NME7: variants seen among roughly 807,000 people sequenced by gnomAD.
NME7 encodes NME/NM23 family member 7.
A neutral mutation model predicts 49.1 loss-of-function variants in NME7; 41 were observed. That is an observed-to-expected ratio of 0.83 (90% confidence interval 0.65 to 1.08). The LOEUF (loss-of-function observed/expected upper bound fraction) is 1.08, where lower values mean the gene tolerates loss of function less well. Ranked by LOEUF, NME7 falls within the 50% of genes least tolerant of loss-of-function variation. The probability of loss-of-function intolerance (pLI) is 0.00; values close to 1 mark genes in which losing one functional copy is unlikely to be tolerated. For missense variants in NME7, 423 were observed against 463.4 expected, an observed-to-expected ratio of 0.91 and a Z score of 0.80; for synonymous variants, 139 against 150.6, an observed-to-expected ratio of 0.92 and a Z score of 0.56.
intron 3 of NME7, 131 bp from the exon 4 acceptor site, chr1:169,310,211 G>A (rs1188067722): frequency 3.4e-6 from 2 of 579,820 alleles, no homozygotes; most frequent in African/African-American, 2.0e-5. Flanking sequence ...ATAGAAAAGT[G>A]TATTAAAGAC....
intron 11 of NME7, among the ~76,000 whole-genome samples, chr1:169,155,729 G>A (rs1659047640): frequency 6.7e-6 from 1 of 149,366 alleles, no homozygotes; most frequent in Admixed American, 6.7e-5. Flanking sequence ...TTATCATTGT[G>A]TCTATCCCTG....
intron 3 of NME7, among the ~76,000 whole-genome samples, chr1:169,312,908 C>G (rs1370890402): frequency 6.6e-6 from 1 of 152,132 alleles, no homozygotes; most frequent in Non-Finnish European, 1.5e-5. Flanking sequence ...ATATTCTATT[C>G]TAAACCTATT....
At chr1:169,255,705 T>C (rs895633444) in intron 7 of NME7, among the ~76,000 whole-genome samples, 1 of 128,344 alleles carries the variant, frequency 7.8e-6, no homozygotes, top group Non-Finnish European at 1.8e-5. Flanking sequence ...CTGGTACCGG[T>C]TGCTCCTTTC....
chr1:169,320,529 C>A lies in NME7; in HGVS notation c.278+2588G>T, dbSNP rs951631024. 2.6e-5 allele frequency among the ~76,000 whole-genome samples: 4 copies of A among 152,256 alleles called. No homozygotes were observed. In the East Asian group the frequency reaches 7.7e-4, roughly 29 times the overall value. On this transcript the variant is annotated intron_variant, in intron 3 of 11. Coordinates refer to ENST00000367811, the MANE Select transcript of NME7 (RefSeq NM_013330.5). ...TACAAAACTGAGAACTAGACTAAAT[C>A]GGTTGTTACATAGAAGGTGTTTCTG... is the stretch of plus-strand genomic sequence containing the variant.
intron 9 of NME7, among the ~76,000 whole-genome samples, chr1:169,231,772 C>T (rs1647630252): frequency 6.6e-6 from 1 of 152,022 alleles, no homozygotes; most frequent in African/African-American, 2.4e-5. Context: ...AGCAGTTGGC[C>T]TAAATTAGCC....
chr1:169,335,768 TTA>T (rs1372551597), intron 1 of NME7, among the ~76,000 whole-genome samples: 4 of 147,002 alleles, frequency 2.7e-5, no homozygotes, highest in African/African-American at 9.9e-5. Context: ...AAATATATAT[TTA>T]TATATATGTT....
rs559766442 is a variant in NME7, at chr1:169,322,040, T to C, written c.278+1077A>G. ...ATTTCACTTCAAATATAATTAATTC[T>C]AGTCTCAGAAAGTTGAAATTCATAA... On this transcript the variant is annotated intron_variant, in intron 3 of 11. Coordinates refer to ENST00000367811, the MANE Select transcript of NME7 (RefSeq NM_013330.5). 5.9e-5 allele frequency among the ~76,000 whole-genome samples: 9 copies of C among 152,304 alleles called. No individual in the cohort carries two copies. In the South Asian group the frequency reaches 1.9e-3, roughly 32 times the overall value.
intron 11 of NME7, among the ~76,000 whole-genome samples, chr1:169,135,000 T>G (rs1187870966): frequency 5.4e-5 from 3 of 55,236 alleles, no homozygotes; most frequent in Non-Finnish European, 6.5e-5. Context: ...CATAAGGAGA[T>G]CCCCCCGTCT....
At chr1:169,200,702 A>G (rs1208369) in intron 10 of NME7, among the ~76,000 whole-genome samples, 3,197 of 152,150 alleles carry the variant, frequency 0.021, 117 homozygotes, top group African/African-American at 0.073. Context: ...AAACTAGCCA[A>G]TCCTGAACTT....
At chr1:169,201,089 G>C (rs946947355) in intron 10 of NME7, among the ~76,000 whole-genome samples, 20 of 152,090 alleles carry the variant, frequency 1.3e-4, no homozygotes, top group African/African-American at 4.1e-4. Context: ...ACATGGGCCA[G>C]GTGTGGCGGC....
At chr1:169,346,830 T>C (rs968239396) in intron 1 of NME7, among the ~76,000 whole-genome samples, 1 of 152,206 alleles carries the variant, frequency 6.6e-6, no homozygotes, top group East Asian at 1.9e-4. Context: ...CTGCTAGCTA[T>C]CATCAATTGA....
At chr1:169,361,735 G>A (rs1405855346) in intron 1 of NME7, among the ~76,000 whole-genome samples, 14 of 146,680 alleles carry the variant, frequency 9.5e-5, no homozygotes, top group African/African-American at 2.3e-4. Context: ...AGTGGAAATC[G>A]CGCCACTGCA....
rs74125221 is a variant in NME7, at chr1:169,260,361, C to T, written c.755-22674G>A. 8.3e-4 allele frequency among the ~76,000 whole-genome samples: 111 copies of T among 133,436 alleles called. 10 individuals carry two copies. Among genetic ancestry groups the T allele is most frequent in the African/African-American group, 2.7e-3 (107 of 39,602 alleles). 87.5% of individuals were successfully genotyped at this position (133,436 alleles called of 152,430 possible). ...AAGATACTACCTTTTCTTTAGAAAT[C>T]GTCCCTCTTTCTTCCTCCTAAGAAT... On this transcript the variant is annotated intron_variant, in intron 7 of 11. Transcript: ENST00000367811.
At chr1:169,237,790 T>C (rs1647922200) in intron 7 of NME7, 103 bp from the exon 8 acceptor site, 7 of 752,466 alleles carry the variant, frequency 9.3e-6, no homozygotes, top group African/African-American at 8.9e-5. Context: ...GTTTATACTC[T>C]ATATTTAAAA....
At chr1:169,214,806 G>T (rs1660930509) in intron 10 of NME7, among the ~76,000 whole-genome samples, 1 of 152,200 alleles carries the variant, frequency 6.6e-6, no homozygotes, top group Admixed American at 6.5e-5. Flanking sequence ...CTCCATGCAG[G>T]CCCTGTGGCA....
chr1:169,189,919 A>G (rs1398310453), intron 10 of NME7, among the ~76,000 whole-genome samples: 1 of 152,158 alleles, frequency 6.6e-6, no homozygotes, highest in Non-Finnish European at 1.5e-5. Context: ...TGTTCCAAAT[A>G]TTAAGTAGCT....
intron 10 of NME7, chr1:169,190,798 C>CTTTTTTTTTTTTTTTTT (rs1157694915): frequency 1.3e-5 from 1 of 76,824 alleles, no homozygotes; most frequent in Non-Finnish European, 2.3e-5. Context: ...TGAACTGTTT[C>CTTTTTTTTTTTTTTTTT]TTTTTTTTTT....
intron 10 of NME7, among the ~76,000 whole-genome samples, chr1:169,187,994 C>T (rs1557979553): frequency 6.6e-6 from 1 of 152,110 alleles, no homozygotes; most frequent in Non-Finnish European, 1.5e-5. Flanking sequence ...TTTATTTCTC[C>T]TTCGCTTATG....
chr1:169,226,218 A>G (rs1647333749), intron 10 of NME7, among the ~76,000 whole-genome samples: 1 of 152,218 alleles, frequency 6.6e-6, no homozygotes, highest in Non-Finnish European at 1.5e-5. Context: ...ATACATGAAT[A>G]GACTGGCACA....
Sources: allele counts gnomAD v4.1 joint callset (sites outside exome capture counted in the v4.1 genomes callset), GRCh38; gene constraint gnomAD v4.1.1; transcripts MANE v1.5; gene names NCBI Gene and HGNC (gene_info 2026-07-23, HGNC 2026-07-21).